MYEF2: variants seen among roughly 807,000 people sequenced by gnomAD.
MYEF2 encodes myelin expression factor 2.
MYEF2 carries 37 observed loss-of-function variants against 75.2 expected under a neutral mutation model. The ratio of observed to expected loss-of-function variants is 0.49; its 90% CI spans 0.38 to 0.65. MYEF2 has a LOEUF of 0.65. Among genes scored for constraint, MYEF2 ranks in the 30% least tolerant of loss-of-function variants. The probability of loss-of-function intolerance (pLI) is 0.00; values close to 1 mark genes in which losing one functional copy is unlikely to be tolerated. For missense variants in MYEF2, 634 were observed against 771.4 expected, an observed-to-expected ratio of 0.82 and a Z score of 2.11; for synonymous variants, 195 against 241.6, an observed-to-expected ratio of 0.81 and a Z score of 1.79.
Position 48,140,837 on chromosome 15 carries a change from T to C in MYEF2, c.*2071A>G, listed in dbSNP as rs1418769470. 3.0e-6 allele frequency: 1 copy of C among 327,874 alleles called. No individual in the cohort carries two copies. Among genetic ancestry groups the C allele is most frequent in the East Asian group, 6.8e-5 (1 of 14,754 alleles). The allele number at this position is 327,874 out of a possible 1,614,324, so 20.3% of individuals were successfully genotyped here. On this transcript the variant is annotated 3_prime_UTR_variant, in exon 17 of 17. Coordinates refer to ENST00000324324, the MANE Select transcript of MYEF2 (RefSeq NM_016132.5). ...TAATGGTGGACATAAACATCTTTTG[T>C]AAGAATATCAAACAGGAAAATTTCT...
At chr15:48,145,260 T>C (rs958012554) in intron 16 of MYEF2, among the ~76,000 whole-genome samples, 1 of 151,864 alleles carries the variant, frequency 6.6e-6, no homozygotes, top group African/African-American at 2.4e-5. Context: ...GAAAGAGTTA[T>C]AGATGTTCTA....
At position 48,136,670 on chromosome 15, in the gene MYEF2, T is replaced by G. The variant is rs1567226414; in HGVS notation, c.*6238A>C. 1 of 1,575,818 alleles carries G rather than the reference T, an allele frequency of 6.3e-7. No homozygotes were observed. The highest frequency in any genetic ancestry group is 2.3e-5 in the East Asian group (1 of 44,348). ...TCACTTTTAATTTAAAAACACAAAT[T>G]TCTCTTTTGTAGGTATGAAGGGGCT... On this transcript the variant is annotated 3_prime_UTR_variant, in exon 17 of 17. Coordinates refer to ENST00000324324, the MANE Select transcript of MYEF2 (RefSeq NM_016132.5).
At chr15:48,177,546 G>A (rs1006436093) in intron 1 of MYEF2, among the ~76,000 whole-genome samples, 5 of 151,562 alleles carry the variant, frequency 3.3e-5, no homozygotes, top group Non-Finnish European at 5.9e-5. Flanking sequence ...ACTTCCTCTC[G>A]GTATAAATCA....
At position 48,141,900 on chromosome 15, in the gene MYEF2, T is replaced by C; in HGVS notation, c.*1008A>G. On this transcript the variant is annotated 3_prime_UTR_variant, in exon 17 of 17. Transcript: ENST00000324324. ...TAAAAATACAAATTCAGTAAGACTT[T>C]TGCTCTAACAACAATTTTTCAAAAC... 1 of 624,964 alleles carries C rather than the reference T, an allele frequency of 1.6e-6. No homozygotes were observed. Among genetic ancestry groups the C allele is most frequent in the South Asian group, 3.6e-5 (1 of 27,914 alleles). 38.7% of individuals were successfully genotyped at this position (624,964 alleles called of 1,614,324 possible).
Position 48,138,935 on chromosome 15 carries a change from GA to G in MYEF2, c.*3972del, listed in dbSNP as rs1597267693. The G allele has an allele frequency of 6.6e-7, 1 of 1,521,686 alleles. No homozygotes were observed. Among genetic ancestry groups the G allele is most frequent in the Non-Finnish European group, 9.0e-7 (1 of 1,114,598 alleles). 94.3% of individuals were successfully genotyped at this position (1,521,686 alleles called of 1,614,324 possible). ...ATTTCTAACTTAATTAGCCATTTGA[GA>G]AAACTCAAAAGTGTTTACTTTTTCC... is the stretch of plus-strand genomic sequence containing the variant. On this transcript the variant is annotated 3_prime_UTR_variant, in exon 17 of 17. Transcript: ENST00000324324.
intron 16 of MYEF2, among the ~76,000 whole-genome samples, chr15:48,145,696 A>C (rs2039256163): frequency 6.6e-6 from 1 of 151,938 alleles, no homozygotes; most frequent in Admixed American, 6.6e-5. Flanking sequence ...AAGGATGTTC[A>C]ATAAAATCTA....
At chr15:48,178,033 C>G in intron 1 of MYEF2, 44 bp downstream of exon 1, 2 of 1,559,160 alleles carry the variant, frequency 1.3e-6, no homozygotes, top group Non-Finnish European at 1.7e-6. Flanking sequence ...CGGTAGACTC[C>G]CCGCCCCCCA....
In MYEF2 at chr15:48,134,751, AT is replaced by A. The variant is rs1052865486; in HGVS notation, c.*8156del. The A allele has an allele frequency of 2.5e-6, 2 of 814,786 alleles. No individual in the cohort carries two copies. Among genetic ancestry groups the A allele is most frequent in the Non-Finnish European group, 3.8e-6 (2 of 526,928 alleles). 50.5% of individuals were successfully genotyped at this position (814,786 alleles called of 1,614,324 possible). A position where few individuals can be genotyped will look rare whatever the true frequency, so the allele number is the denominator to read the frequency against. ...TGTGTAAGTTAGAACACAATTTTAC[AT>A]TTTTTTCTCTAAGCAATATGCAAAA... On this transcript the variant is annotated 3_prime_UTR_variant, in exon 17 of 17. Transcript: ENST00000324324.
intron 16 of MYEF2, among the ~76,000 whole-genome samples, chr15:48,144,986 A>C (rs1215505250): frequency 6.6e-6 from 1 of 151,918 alleles, no homozygotes; most frequent in African/African-American, 2.4e-5. Flanking sequence ...TTTCTTGCAT[A>C]ATCTGTCTCT....
chr15:48,166,092 T>G (rs747016322), intron 4 of MYEF2, 29 bp downstream of exon 4: 1 of 1,579,074 alleles, frequency 6.3e-7, no homozygotes. Flanking sequence ...TTAATTTGAC[T>G]TAAGATACTT....
intron 9 of MYEF2, among the ~76,000 whole-genome samples, chr15:48,155,276 A>C (rs537287286): frequency 6.6e-6 from 1 of 152,268 alleles, no homozygotes; most frequent in South Asian, 2.1e-4. Context: ...AATGAGACCA[A>C]AGACTCAAAG....
chr15:48,137,077 T>C lies in MYEF2; in HGVS notation c.*5831A>G. The C allele has an allele frequency of 8.6e-7, 1 of 1,158,226 alleles. No individual in the cohort carries two copies. The highest frequency in any genetic ancestry group is 1.2e-6 in the Non-Finnish European group (1 of 835,194). The allele number at this position is 1,158,226 out of a possible 1,614,324, so 71.7% of individuals were successfully genotyped here. On this transcript the variant is annotated 3_prime_UTR_variant, in exon 17 of 17. Transcript: ENST00000324324. ...TTTATGTAAAAAAGACTGTGAAGAC[T>C]CAGAAATGATAAAGACCAAGTCCCT...
In MYEF2 at chr15:48,141,832, TTAAA is replaced by T. The variant is rs1322894908; in HGVS notation, c.*1072_*1075del. 3 of 371,190 alleles carry T rather than the reference TTAAA, an allele frequency of 8.1e-6. No homozygotes were observed. Among genetic ancestry groups the T allele is most frequent in the Non-Finnish European group, 1.4e-5 (3 of 209,630 alleles). The allele number at this position is 371,190 out of a possible 1,614,324, so 23.0% of individuals were successfully genotyped here. ...AAAAATGGTTTAATAAATATAATTA[TTAAA>T]TAAATGTTAAGACTTTAAATACTAA... is the stretch of plus-strand genomic sequence containing the variant. On this transcript the variant is annotated 3_prime_UTR_variant, in exon 17 of 17. Transcript: ENST00000324324.
intron 9 of MYEF2, among the ~76,000 whole-genome samples, chr15:48,156,202 G>C (rs766114880): frequency 3.3e-5 from 5 of 152,094 alleles, no homozygotes; most frequent in Admixed American, 6.6e-5. Flanking sequence ...CCAATTTGAA[G>C]TAAGCATTCA....
At position 48,140,780 on chromosome 15, in the gene MYEF2, A is replaced by G. The variant is rs890804024; in HGVS notation, c.*2128T>C. On this transcript the variant is annotated 3_prime_UTR_variant, in exon 17 of 17. Coordinates refer to ENST00000324324, the MANE Select transcript of MYEF2 (RefSeq NM_016132.5). ...AAGAAAAAGCGGAATGATCAGTCTC[A>G]TTATCAAATATTCAGCACAGCCCTG... 29 of 219,364 alleles carry G rather than the reference A, an allele frequency of 1.3e-4. No individual in the cohort carries two copies. The highest frequency in any genetic ancestry group is 2.7e-4 in the Non-Finnish European group (29 of 108,984). The allele number at this position is 219,364 out of a possible 1,614,324, so 13.6% of individuals were successfully genotyped here. A position where few individuals can be genotyped will look rare whatever the true frequency, so the allele number is the denominator to read the frequency against.
intron 5 of MYEF2, among the ~76,000 whole-genome samples, chr15:48,164,519 T>C (rs984631429): frequency 6.6e-5 from 10 of 152,338 alleles, no homozygotes; most frequent in Non-Finnish European, 1.3e-4. Flanking sequence ...ATTTAATTGA[T>C]AAAGCAGCAG....
intron 3 of MYEF2, 75 bp downstream of exon 3, chr15:48,167,274 G>A: frequency 6.9e-7 from 1 of 1,439,556 alleles, no homozygotes; most frequent in Non-Finnish European, 9.7e-7. Flanking sequence ...CCAAAAACTG[G>A]TACAAGTATT....
chr15:48,174,111 A>T (rs1378812806), intron 1 of MYEF2, among the ~76,000 whole-genome samples: 11 of 152,296 alleles, frequency 7.2e-5, no homozygotes, highest in South Asian at 2.1e-4. Flanking sequence ...TATAGTAATC[A>T]AAACAATATG....
At chr15:48,165,698 A>T (rs1416609300) in intron 5 of MYEF2, among the ~76,000 whole-genome samples, 6 of 152,102 alleles carry the variant, frequency 3.9e-5, no homozygotes, top group African/African-American at 7.2e-5. Context: ...AAATTTTTTT[A>T]AATTATGTGC....
Sources: gnomAD v4.1 joint callset for allele counts (sites outside exome capture counted in the v4.1 genomes callset) on GRCh38, gnomAD v4.1.1 for gene constraint, MANE v1.5 for transcripts, NCBI Gene and HGNC (gene_info 2026-07-23, HGNC 2026-07-21) for gene names.